RGS10: variants seen among roughly 807,000 people sequenced by gnomAD.
The protein encoded by RGS10 is regulator of G-protein signalling 10.
A neutral mutation model predicts 23.5 loss-of-function variants in RGS10; 11 were observed. The ratio of observed to expected loss-of-function variants is 0.47; its 90% CI spans 0.29 to 0.77. The LOEUF (loss-of-function observed/expected upper bound fraction) is 0.77, where lower values mean the gene tolerates loss of function less well. Among genes scored for constraint, RGS10 ranks in the 30% least tolerant of loss-of-function variants. The pLI is 0.08. For synonymous variants in RGS10, 77 were observed against 83.2 expected, an observed-to-expected ratio of 0.92 and a Z score of 0.41; for missense variants, 180 against 226.3, an observed-to-expected ratio of 0.80 and a Z score of 1.31.
intron 1 of RGS10, among the ~76,000 whole-genome samples, chr10:119,541,806 A>C (rs552269701): frequency 6.6e-6 from 1 of 152,188 alleles, no homozygotes; most frequent in South Asian, 2.1e-4. Context: ...GGGTTGTCCT[A>C]GGGGTGAAGG....
chr10:119,514,408 A>T (rs181991883), intron 4 of RGS10, among the ~76,000 whole-genome samples: 29 of 152,150 alleles, frequency 1.9e-4, no homozygotes, highest in African/African-American at 6.5e-4. Context: ...CTGTAATCAC[A>T]GTACTTTGGG....
At chr10:119,534,304 T>TAAATA (rs1554858928) in intron 1 of RGS10, among the ~76,000 whole-genome samples, 10,479 of 117,164 alleles carry the variant, frequency 0.089, 655 homozygotes, top group Middle Eastern at 0.12. Flanking sequence ...AATAAATAAA[T>TAAATA]AAAAAAGGCC....
intron 4 of RGS10, among the ~76,000 whole-genome samples, chr10:119,513,330 C>T (rs1289667709): frequency 6.6e-6 from 1 of 152,024 alleles, no homozygotes. Flanking sequence ...CATGGTGGCA[C>T]ACACCTGTAG....
chr10:119,536,486 T>C lies in RGS10; in HGVS notation c.49+6104A>G, dbSNP rs769393433. ...TACGTTCCATGCTCTGGTGTCCACC[T>C]GAGAAGTTCCACGCAGACCAACAAT... On this transcript the variant is annotated intron_variant, in intron 1 of 4. Transcript: ENST00000369103. The C allele has an allele frequency of 1.1e-5, 18 of 1,612,222 alleles. No individual in the cohort carries two copies. In the East Asian group the frequency reaches 3.6e-4, roughly 32 times the overall value.
intron 4 of RGS10, among the ~76,000 whole-genome samples, chr10:119,512,149 T>G (rs538589803): frequency 6.6e-6 from 1 of 151,654 alleles, no homozygotes; most frequent in South Asian, 2.1e-4. Context: ...AGGGGCTAAG[T>G]TCGGGGGCGG....
At chr10:119,537,921 C>T (rs1434119195) in intron 1 of RGS10, among the ~76,000 whole-genome samples, 1 of 152,200 alleles carries the variant, frequency 6.6e-6, no homozygotes, top group African/African-American at 2.4e-5. Context: ...GTCTTCCTCA[C>T]ACCTCTGTCC....
chr10:119,535,950 G>C (rs1306284460), intron 1 of RGS10, among the ~76,000 whole-genome samples: 1 of 152,194 alleles, frequency 6.6e-6, no homozygotes, highest in Admixed American at 6.5e-5. Context: ...ACCACATCAA[G>C]TGTAGTACAT....
In RGS10 at chr10:119,527,342, A is replaced by G. The variant is rs202031684; in HGVS notation, c.132T>C (p.Asn44=). The G allele has an allele frequency of 7.4e-6, 12 of 1,614,178 alleles. No homozygotes were observed. In the African/African-American group the frequency reaches 1.5e-4, roughly 20 times the overall value. ...STAKWAASLE[N]LLEDPEGVKR... ...TCACGCCTTCTGGGTCTTCCAGCAG[A>G]TTCTCCAGGGATGCCGCCCATTTGG... Residue 44 remains asparagine (N), a synonymous_variant, in exon 2 of 5, where the codon AAT becomes AAC. Coordinates refer to ENST00000369103, the MANE Select transcript of RGS10 (RefSeq NM_001005339.2). The surrounding 1 kb of genome is among the most constrained non-coding windows in gnomAD (Gnocchi z 4.2).
intron 4 of RGS10, among the ~76,000 whole-genome samples, chr10:119,511,076 A>G (rs909695239): frequency 5.9e-5 from 9 of 152,140 alleles, no homozygotes; most frequent in Non-Finnish European, 1.0e-4. Context: ...CCCTGAAGAA[A>G]CCACCTCTTT....
At position 119,537,393 on chromosome 10, in the gene RGS10, A is replaced by AAG. The variant is rs1844399857; in HGVS notation, c.49+5196_49+5197insCT. ...GTGAAACTCCGTCTCAAAAAAAAAA[A>AAG]AAAGAAAAAGAAAAGTTGACATTTA... is the stretch of plus-strand genomic sequence containing the variant. On this transcript the variant is annotated intron_variant, in intron 1 of 4. Transcript: ENST00000369103. Among the ~76,000 whole-genome samples, 4 of 149,198 alleles carry AAG rather than the reference A, an allele frequency of 2.7e-5. No individual in the cohort carries two copies. The South Asian group carries it at 6.4e-4, about 24-fold the overall frequency.
In RGS10 at chr10:119,507,519, C is replaced by T. The variant is rs191875414; in HGVS notation, c.400-7260G>A. Among the ~76,000 whole-genome samples the T allele has an allele frequency of 7.1e-4, 108 of 151,984 alleles. No individual in the cohort carries two copies. In the East Asian group the frequency reaches 0.019, roughly 27 times the overall value. On this transcript the variant is annotated intron_variant, in intron 4 of 4. Coordinates refer to ENST00000369103, the MANE Select transcript of RGS10 (RefSeq NM_001005339.2). ...AAACTGCATTGCTAAAAAGGGACCC[C>T]ATTCATGGCTCCTTTCTCTGTCAAG...
At chr10:119,509,166 G>A (rs1844049079) in intron 4 of RGS10, among the ~76,000 whole-genome samples, 1 of 152,150 alleles carries the variant, frequency 6.6e-6, no homozygotes, top group Non-Finnish European at 1.5e-5. Flanking sequence ...GGGAGGCTGA[G>A]GTGGGCAGAT....
At chr10:119,530,736 G>A (rs1176358240) in intron 1 of RGS10, among the ~76,000 whole-genome samples, 4 of 152,192 alleles carry the variant, frequency 2.6e-5, no homozygotes, top group Non-Finnish European at 5.9e-5. Flanking sequence ...GAGGCAGGAG[G>A]ATAGCTTGAG....
chr10:119,520,351 C>T (rs11198990), intron 3 of RGS10, among the ~76,000 whole-genome samples: 6,830 of 152,192 alleles, frequency 0.045, 270 homozygotes, highest in East Asian at 0.2. Flanking sequence ...GGGGTGCCAA[C>T]GAGAAGCGCG....
intron 1 of RGS10, among the ~76,000 whole-genome samples, chr10:119,529,846 C>A (rs572366656): frequency 3.9e-5 from 6 of 152,312 alleles, no homozygotes; most frequent in Non-Finnish European, 5.9e-5. Flanking sequence ...GTAATCCCAG[C>A]ACTTTGGGAG....
chr10:119,506,547 T>G (rs897355459), intron 4 of RGS10, among the ~76,000 whole-genome samples: 3 of 152,226 alleles, frequency 2.0e-5, no homozygotes, highest in Non-Finnish European at 4.4e-5. Context: ...TGTCCGCTTT[T>G]TTCTACCGTC....
At chr10:119,539,794 G>T (rs1419975116) in intron 1 of RGS10, among the ~76,000 whole-genome samples, 1 of 152,200 alleles carries the variant, frequency 6.6e-6, no homozygotes, top group Non-Finnish European at 1.5e-5. Flanking sequence ...TGTCTCCAGT[G>T]AGATTTTGCT....
intron 1 of RGS10, among the ~76,000 whole-genome samples, chr10:119,533,519 A>G (rs1344365586): frequency 3.3e-5 from 5 of 152,358 alleles, no homozygotes; most frequent in South Asian, 4.1e-4. Context: ...TCTGAACTTA[A>G]GAATAAAGCA....
At chr10:119,513,479 T>C (rs1170668684) in intron 4 of RGS10, among the ~76,000 whole-genome samples, 2 of 150,436 alleles carry the variant, frequency 1.3e-5, no homozygotes, top group Non-Finnish European at 3.0e-5. Context: ...ATAAAATAAA[T>C]AAATAAATAA....
Sources: gnomAD v4.1 joint callset for allele counts (sites outside exome capture counted in the v4.1 genomes callset) on GRCh38, gnomAD v4.1.1 for gene constraint, Gnocchi (gnomAD v3.1) non-coding constraint, MANE v1.5 for transcripts, NCBI Gene and HGNC (gene_info 2026-07-23, HGNC 2026-07-21) for gene names.